Variants in POLR2B observed in about 807,000 individuals in gnomAD.
POLR2B encodes the protein RNA polymerase II subunit B.
Under a neutral mutation model 144.6 loss-of-function variants are expected in POLR2B, and 57 were observed. The observed-to-expected ratio is 0.39, with a 90% CI of 0.32 to 0.49. The LOEUF (loss-of-function observed/expected upper bound fraction) is 0.49. Ranked by LOEUF, POLR2B falls within the 20% of genes least tolerant of loss-of-function variation. The probability of loss-of-function intolerance (pLI) is 0.83; values close to 1 mark genes in which losing one functional copy is unlikely to be tolerated. For synonymous variants in POLR2B, 442 were observed against 469.8 expected, an observed-to-expected ratio of 0.94 and a Z score of 0.77; for missense variants, 595 against 1,467.4, an observed-to-expected ratio of 0.41 and a Z score of 9.71.
chr4:56,990,848 A>G lies in POLR2B; in HGVS notation c.193A>G (p.Ile65Val), dbSNP rs56247308. 10 of 1,613,716 alleles carry G rather than the reference A, an allele frequency of 6.2e-6. No homozygotes were observed. The highest frequency in any genetic ancestry group is 6.8e-6 in the Non-Finnish European group (8 of 1,179,782). The part of the protein sequence containing the change: ...VQRIVEDAPP[I>V]DLQAEAQHAS... ...AAGAATTGTGGAAGACGCTCCTCCT[A>G]TAGACCTACAGGCTGAAGCTCAGCA... Residue 65 changes from isoleucine (I) to valine (V), a missense_variant, in exon 3 of 25, where the codon ATA becomes GTA. Ile to Val is a conservative substitution (Grantham distance 29, BLOSUM62 3). Coordinates refer to ENST00000314595, the MANE Select transcript of POLR2B (RefSeq NM_000938.3).
intron 7 of POLR2B, among the ~76,000 whole-genome samples, chr4:57,003,811 C>G (rs1181734580): frequency 6.6e-6 from 1 of 151,638 alleles, no homozygotes; most frequent in Non-Finnish European, 1.5e-5. Context: ...CCATTGCACT[C>G]CAGCCTGGGT....
chr4:57,008,423 C>G (rs947364897), intron 10 of POLR2B, among the ~76,000 whole-genome samples: 1 of 152,112 alleles, frequency 6.6e-6, no homozygotes, highest in Non-Finnish European at 1.5e-5. Context: ...AGGATGGTCT[C>G]GATCTCCTGA....
In POLR2B at chr4:57,010,735, G is replaced by T. The variant is rs1295286469; in HGVS notation, c.1549-13G>T. ...GTAAAATCAGAATGACTAATACTTG[G>T]TTTATTTTTTAGGGCCATGCTGTAG... On this transcript the variant is annotated splice_polypyrimidine_tract_variant and intron_variant, in intron 11 of 24. Coordinates refer to ENST00000314595, the MANE Select transcript of POLR2B (RefSeq NM_000938.3). The T allele has an allele frequency of 6.4e-7, 1 of 1,574,566 alleles. No individual in the cohort carries two copies. The highest frequency in any genetic ancestry group is 8.6e-7 in the Non-Finnish European group (1 of 1,162,032).
chr4:57,012,493 G>A (rs75987647), intron 13 of POLR2B, among the ~76,000 whole-genome samples: 3,146 of 152,116 alleles, frequency 0.021, 109 homozygotes, highest in African/African-American at 0.071. Context: ...TACTGTTTGC[G>A]GAATGTAGTT....
chr4:56,985,952 A>G (rs1722313291), intron 1 of POLR2B, among the ~76,000 whole-genome samples: 1 of 152,230 alleles, frequency 6.6e-6, no homozygotes, highest in Non-Finnish European at 1.5e-5. Flanking sequence ...TCTTTGGAAA[A>G]TGCAAACTTT....
chr4:56,984,302 C>T lies in POLR2B; in HGVS notation c.20-2052C>T, dbSNP rs558347989. Among the ~76,000 whole-genome samples, 4 of 151,676 alleles carry T rather than the reference C, an allele frequency of 2.6e-5. No homozygotes were observed. The South Asian group carries it at 8.4e-4, about 32-fold the overall frequency. The stretch of plus-strand genomic sequence containing the variant: ...TGTGTATAATCTCATTTTTCTCCCA[C>T]CCATTTGTTAATGATTCCAACTATG... On this transcript the variant is annotated intron_variant, in intron 1 of 24. Coordinates refer to ENST00000314595, the MANE Select transcript of POLR2B (RefSeq NM_000938.3).
chr4:56,998,691 T>A (rs1722764208), intron 6 of POLR2B, among the ~76,000 whole-genome samples: 2 of 152,190 alleles, frequency 1.3e-5, no homozygotes, highest in South Asian at 4.1e-4. Context: ...TGTTCTGGGA[T>A]AAGATCCATG....
chr4:57,006,250 A>G (rs1017802072), intron 9 of POLR2B, among the ~76,000 whole-genome samples: 1 of 152,206 alleles, frequency 6.6e-6, no homozygotes, highest in Non-Finnish European at 1.5e-5. Flanking sequence ...TTAGTATGTT[A>G]TAGATTAGTG....
chr4:56,984,156 C>T (rs760892931), intron 1 of POLR2B, among the ~76,000 whole-genome samples: 4 of 152,008 alleles, frequency 2.6e-5, no homozygotes, highest in South Asian at 4.1e-4. Context: ...TGAGCCAGTG[C>T]GCCCAGCCTG....
In POLR2B at chr4:57,030,419, G is replaced by T. The variant is rs779954379; in HGVS notation, c.3435+20G>T. 9.6e-6 allele frequency: 15 copies of T among 1,559,650 alleles called. No individual in the cohort carries two copies. The highest frequency in any genetic ancestry group is 9.6e-6 in the Non-Finnish European group (11 of 1,141,100). On this transcript the variant is annotated intron_variant, in intron 24 of 24. Coordinates refer to ENST00000314595, the MANE Select transcript of POLR2B (RefSeq NM_000938.3). ...ACCCAGGTGTGTATAGACTTTACTG[G>T]CAGTTGATATTTGTTTAGAGGAAAC... is the stretch of plus-strand genomic sequence containing the variant.
chr4:56,986,733 A>C (rs1722346075), intron 2 of POLR2B: 1 of 196,670 alleles, frequency 5.1e-6, no homozygotes, highest in Non-Finnish European at 1.0e-5. Flanking sequence ...GGTTGAGGTT[A>C]CAGTGAGCGA....
intron 13 of POLR2B, among the ~76,000 whole-genome samples, chr4:57,013,707 G>A (rs772319841): frequency 6.6e-6 from 1 of 152,038 alleles, no homozygotes; most frequent in African/African-American, 2.4e-5. Context: ...CCCAGGTTTT[G>A]TTCATCACAC....
chr4:57,021,033 T>C, intron 17 of POLR2B, 38 bp downstream of exon 17: 1 of 1,061,214 alleles, frequency 9.4e-7, no homozygotes. Context: ...ACAGATACAG[T>C]GGAAACACTA....
chr4:57,011,500 C>T (rs2109692579), intron 13 of POLR2B, among the ~76,000 whole-genome samples: 1 of 151,958 alleles, frequency 6.6e-6, no homozygotes. Flanking sequence ...TGCACTCCAG[C>T]CTGGGTGACA....
At position 57,027,244 on chromosome 4, in the gene POLR2B, A is replaced by C. The variant is rs549860730; in HGVS notation, c.3239+1707A>C. ...GGCTGGTCTCAAATGGTTGGCCTCA[A>C]GTGATCCGCCTGCCTTGGCCTTCCA... On this transcript the variant is annotated intron_variant, in intron 23 of 24. Coordinates refer to ENST00000314595, the MANE Select transcript of POLR2B (RefSeq NM_000938.3). 1.2e-4 allele frequency among the ~76,000 whole-genome samples: 19 copies of C among 152,136 alleles called. No homozygotes were observed. The South Asian group carries it at 3.9e-3, about 32-fold the overall frequency.
Position 56,994,693 on chromosome 4 carries a change from GA to G in POLR2B, c.405del (p.Gly136ValfsTer14), listed in dbSNP as rs1263496140. 1.9e-6 allele frequency: 3 copies of G among 1,613,548 alleles called. No individual in the cohort carries two copies. In the Admixed American group the frequency reaches 5.0e-5, roughly 27 times the overall value. On this transcript the variant is annotated frameshift_variant, in exon 5 of 25. Coordinates refer to ENST00000314595, the MANE Select transcript of POLR2B (RefSeq NM_000938.3). LOFTEE classifies it high-confidence loss of function. ...TGATATAACAAAAACAGTCATTAAA[GA>G]AGGTGAAGAACAACTTCAGACTCAG... ...YVDITKTVIK[E>X]GEEQLQTQHQ...
chr4:57,028,301 A>G (rs1723789616), intron 23 of POLR2B, among the ~76,000 whole-genome samples: 1 of 152,068 alleles, frequency 6.6e-6, no homozygotes, highest in Admixed American at 6.6e-5. Flanking sequence ...ATTTTATTTT[A>G]CTTTATTTTT....
intron 3 of POLR2B, 142 bp from the exon 4 acceptor site, chr4:56,994,262 C>T: frequency 1.7e-6 from 1 of 593,240 alleles, no homozygotes; most frequent in Non-Finnish European, 3.1e-6. Flanking sequence ...TTTGGGAAGT[C>T]CCCATTTCAG....
rs573223198 is a variant in POLR2B at position 57,024,870 on chromosome 4, C to CT, written c.2965-6dup. The CT allele has an allele frequency of 2.7e-3, 3,384 of 1,252,718 alleles. 1 individual carries two copies. The highest frequency in any genetic ancestry group is 3.1e-3 in the Non-Finnish European group (2,743 of 883,810). 77.6% of individuals were successfully genotyped at this position (1,252,718 alleles called of 1,614,324 possible). ...GACTGAAGCAACATTTTAAAGAGTA[C>CT]TTTTTTTTTTAAAAGGTATCGGCTA... On this transcript the variant is annotated splice_polypyrimidine_tract_variant and intron_variant, in intron 21 of 24. Transcript: ENST00000314595.
Sources: allele counts gnomAD v4.1 joint callset (sites outside exome capture counted in the v4.1 genomes callset), GRCh38; gene constraint gnomAD v4.1.1; transcripts MANE v1.5; gene names NCBI Gene and HGNC (gene_info 2026-07-23, HGNC 2026-07-21).